PACRG: variants seen among roughly 807,000 people sequenced by gnomAD.
The protein encoded by PACRG is parkin coregulated.
Under a neutral mutation model 29.7 loss-of-function variants are expected in PACRG, and 29 were observed. That is an observed-to-expected ratio of 0.98 (90% CI 0.73 to 1.33). PACRG has a LOEUF of 1.33. PACRG is among the 40% of genes most tolerant of loss of function. PACRG has a pLI of 0.00. For missense variants in PACRG, 279 were observed against 316.2 expected, an observed-to-expected ratio of 0.88 and a Z score of 0.89; for synonymous variants, 116 against 118.7, an observed-to-expected ratio of 0.98 and a Z score of 0.15.
chr6:162,969,440 C>A (rs1052239525), intron 2 of PACRG, among the ~76,000 whole-genome samples: 1 of 152,066 alleles, frequency 6.6e-6, no homozygotes, highest in Non-Finnish European at 1.5e-5. Flanking sequence ...AATACTACAA[C>A]CAACCCCCTT....
intron 2 of PACRG, among the ~76,000 whole-genome samples, chr6:162,878,529 G>A (rs1793564785): frequency 1.3e-5 from 2 of 152,118 alleles, no homozygotes; most frequent in African/African-American, 4.8e-5. Flanking sequence ...TGTGTATAAT[G>A]AGATTGTTAC....
intron 1 of PACRG, among the ~76,000 whole-genome samples, chr6:162,743,655 T>C (rs1780767826): frequency 6.6e-6 from 1 of 152,178 alleles, no homozygotes; most frequent in African/African-American, 2.4e-5. Flanking sequence ...TATTAAACTT[T>C]TTTACTGAGT....
intron 2 of PACRG, among the ~76,000 whole-genome samples, chr6:163,003,840 C>T (rs1475907991): frequency 6.6e-6 from 1 of 152,174 alleles, no homozygotes; most frequent in Non-Finnish European, 1.5e-5. Context: ...ATTGCACCCC[C>T]ATTCTTATAG....
intron 2 of PACRG, among the ~76,000 whole-genome samples, chr6:162,846,542 T>C (rs1790394419): frequency 6.6e-6 from 1 of 152,138 alleles, no homozygotes; most frequent in African/African-American, 2.4e-5. Flanking sequence ...GTCTCTCCCA[T>C]CTCTCTTAGC....
intron 1 of PACRG, 57 bp from the exon 2 acceptor site, chr6:162,814,090 A>T: frequency 1.3e-6 from 2 of 1,500,230 alleles, no homozygotes; most frequent in South Asian, 2.7e-5. Context: ...TTCTTTTATT[A>T]TGAATTTTTT....
rs866510224 is a variant in PACRG at position 162,947,474 on chromosome 6, T to C, written c.292-114676T>C. Among the ~76,000 whole-genome samples, 224 of 112,454 alleles carry C rather than the reference T, an allele frequency of 2.0e-3. 4 individuals are homozygous for C. Among genetic ancestry groups the C allele is most frequent in the African/African-American group, 7.3e-3 (212 of 28,968 alleles). 73.8% of individuals were successfully genotyped at this position (112,454 alleles called of 152,430 possible). ...ATCATATATATAATCATATATAATA[T>C]ATATATAATCATATATATACTCATA... On this transcript the variant is annotated intron_variant, in intron 2 of 4. Coordinates refer to ENST00000366888, the MANE Select transcript of PACRG (RefSeq NM_001080379.2).
chr6:163,302,412 C>T (rs1227514228), intron 4 of PACRG, among the ~76,000 whole-genome samples: 1 of 152,172 alleles, frequency 6.6e-6, no homozygotes, highest in Non-Finnish European at 1.5e-5. Context: ...TTTAACTCAC[C>T]AGTGTAGAAG....
intron 4 of PACRG, among the ~76,000 whole-genome samples, chr6:163,106,990 G>C (rs1202842406): frequency 6.6e-6 from 1 of 152,170 alleles, no homozygotes; most frequent in Admixed American, 6.5e-5. Flanking sequence ...GGGAAGATGA[G>C]TTGCAAATAA....
chr6:162,902,866 CT>C (rs1795654339), intron 2 of PACRG, among the ~76,000 whole-genome samples: 1 of 152,078 alleles, frequency 6.6e-6, no homozygotes, highest in Non-Finnish European at 1.5e-5. Context: ...GCCCTTTGGG[CT>C]TTTTTTCTTC....
chr6:162,839,126 T>C (rs1318660117), intron 2 of PACRG, among the ~76,000 whole-genome samples: 1 of 132,764 alleles, frequency 7.5e-6, no homozygotes, highest in Non-Finnish European at 1.6e-5. Flanking sequence ...GATGGCTGGG[T>C]CAAATGGTAT....
At chr6:162,880,818 A>G (rs959637604) in intron 2 of PACRG, among the ~76,000 whole-genome samples, 4 of 152,230 alleles carry the variant, frequency 2.6e-5, no homozygotes, top group African/African-American at 9.6e-5. Flanking sequence ...CATCGCTTTC[A>G]TCTGACTGTG....
intron 2 of PACRG, among the ~76,000 whole-genome samples, chr6:162,863,563 T>C (rs1443927065): frequency 6.6e-6 from 1 of 152,240 alleles, no homozygotes; most frequent in Non-Finnish European, 1.5e-5. Flanking sequence ...TGGGTACCAC[T>C]GAGCAGTGGA....
chr6:163,188,651 T>C (rs1780065545), intron 4 of PACRG, among the ~76,000 whole-genome samples: 1 of 152,232 alleles, frequency 6.6e-6, no homozygotes, highest in Middle Eastern at 3.2e-3. Context: ...CTGACCGTTT[T>C]ATTTTAGTGG....
chr6:162,952,737 A>G (rs770294344), intron 2 of PACRG, among the ~76,000 whole-genome samples: 1 of 152,158 alleles, frequency 6.6e-6, no homozygotes, highest in Non-Finnish European at 1.5e-5. Flanking sequence ...GGGAAGTAGC[A>G]TGCATCATCC....
chr6:163,155,885 C>T (rs1026088593), intron 4 of PACRG, among the ~76,000 whole-genome samples: 18 of 152,220 alleles, frequency 1.2e-4, no homozygotes, highest in African/African-American at 4.3e-4. Flanking sequence ...TCTGCACACA[C>T]CGCGCTGTTC....
chr6:163,124,551 AT>A (rs1307613920), intron 4 of PACRG, among the ~76,000 whole-genome samples: 1 of 152,122 alleles, frequency 6.6e-6, no homozygotes, highest in Non-Finnish European at 1.5e-5. Context: ...ATTTTATTTT[AT>A]TTTTCTTAAG....
chr6:163,272,892 CTTT>C (rs200076248), intron 4 of PACRG, among the ~76,000 whole-genome samples: 12 of 109,470 alleles, frequency 1.1e-4, no homozygotes, highest in East Asian at 2.6e-4. Flanking sequence ...ATGCATCATT[CTTT>C]TTTTTTTTTT....
intron 2 of PACRG, among the ~76,000 whole-genome samples, chr6:162,936,795 C>T (rs1798264198): frequency 6.6e-6 from 1 of 151,136 alleles, no homozygotes; most frequent in African/African-American, 2.4e-5. Context: ...TGTAATTGTT[C>T]AGAATTTTTT....
chr6:163,177,127 A>G (rs1234987131), intron 4 of PACRG, among the ~76,000 whole-genome samples: 1 of 152,246 alleles, frequency 6.6e-6, no homozygotes, highest in Non-Finnish European at 1.5e-5. Flanking sequence ...TGCTTAAAAC[A>G]GTGCACAGAA....
Sources: gnomAD v4.1 joint callset for allele counts (sites outside exome capture counted in the v4.1 genomes callset) on GRCh38, gnomAD v4.1.1 for gene constraint, MANE v1.5 for transcripts, NCBI Gene and HGNC (gene_info 2026-07-23, HGNC 2026-07-21) for gene names.